IFT140: variants seen among roughly 807,000 people sequenced by gnomAD.
The protein encoded by IFT140 is intraflagellar transport 140, also known as intraflagellar transport protein 140 homolog.
In IFT140, 133 loss-of-function variants were observed where a neutral mutation model predicts 164.6. The observed-to-expected ratio is 0.81, with a 90% confidence interval of 0.70 to 0.93. The LOEUF (loss-of-function observed/expected upper bound fraction) is 0.93. Among genes scored for constraint, IFT140 ranks in the 40% least tolerant of loss-of-function variants. The probability of loss-of-function intolerance (pLI) is 0.00; values close to 1 mark genes in which losing one functional copy is unlikely to be tolerated. For synonymous variants in IFT140, 860 were observed against 817.3 expected (o/e 1.05, Z -0.89); for missense variants, 2,045 against 1,972.3 (o/e 1.04, Z -0.70).
intron 30 of IFT140, among the ~76,000 whole-genome samples, chr16:1,512,499 T>G (rs1018431893): frequency 1.1e-4 from 17 of 152,148 alleles, no homozygotes; most frequent in African/African-American, 4.1e-4. Context: ...AGTTACTAAA[T>G]TCCACAGGCT....
At chr16:1,555,072 A>C in intron 19 of IFT140, 1 of 1,568,410 alleles carries the variant, frequency 6.4e-7, no homozygotes, top group Non-Finnish European at 8.6e-7. Context: ...CTATCGTGGA[A>C]CAGCCTAGAA....
chr16:1,561,929 C>G, intron 18 of IFT140, 56 bp downstream of exon 18: 2 of 1,473,002 alleles, frequency 1.4e-6, no homozygotes, highest in Non-Finnish European at 1.8e-6. Flanking sequence ...TGCAAGAGCC[C>G]AGCCAGGCAA....
intron 19 of IFT140, among the ~76,000 whole-genome samples, chr16:1,556,496 C>T (rs2033094015): frequency 2.6e-5 from 4 of 152,264 alleles, no homozygotes; most frequent in African/African-American, 7.2e-5. Flanking sequence ...TCAGGCCACC[C>T]GCTGCTAATA....
chr16:1,572,832 G>A (rs2034092824), intron 13 of IFT140, among the ~76,000 whole-genome samples: 1 of 152,214 alleles, frequency 6.6e-6, no homozygotes, highest in South Asian at 2.1e-4. Context: ...GCAGTGGGTT[G>A]GGGGAGGAGC....
intron 13 of IFT140, chr16:1,577,274 T>G (rs2034325540): frequency 6.6e-6 from 1 of 152,210 alleles, no homozygotes. Context: ...CCTATAGACT[T>G]AGGGTATCGA....
At position 1,553,434 on chromosome 16, in the gene IFT140, C is replaced by A. The variant is rs1427440186; in HGVS notation, c.2399+4501G>T. 1 of 985,240 alleles carries A rather than the reference C, an allele frequency of 1.0e-6. No individual in the cohort carries two copies. Among genetic ancestry groups the A allele is most frequent in the Non-Finnish European group, 1.2e-6 (1 of 829,932 alleles). 61.0% of individuals were successfully genotyped at this position (985,240 alleles called of 1,614,324 possible). On this transcript the variant is annotated intron_variant, in intron 19 of 30. Coordinates refer to ENST00000426508, the MANE Select transcript of IFT140 (RefSeq NM_014714.4). This position sits in a 1 kb window ranked among gnomAD's most constrained non-coding sequence, Gnocchi z 4.4. ...GGGAGGCGGTTGGGAGTGGAGAGAC[C>A]GGCATGAACAGACGCACAGGTGTCA... is the stretch of plus-strand genomic sequence containing the variant.
At chr16:1,585,380 G>A (rs183235056) in intron 10 of IFT140, among the ~76,000 whole-genome samples, 2 of 152,328 alleles carry the variant, frequency 1.3e-5, no homozygotes, top group Admixed American at 6.5e-5. Flanking sequence ...TCCTTAGAGA[G>A]AGGAGGTAGA....
At chr16:1,546,650 G>A (rs1014344574) in intron 19 of IFT140, among the ~76,000 whole-genome samples, 1 of 152,222 alleles carries the variant, frequency 6.6e-6, no homozygotes, top group African/African-American at 2.4e-5. Context: ...TCCCTCGGGG[G>A]CGCAAACTGT....
chr16:1,574,772 C>T (rs1241763639), intron 13 of IFT140, among the ~76,000 whole-genome samples: 2 of 101,836 alleles, frequency 2.0e-5, no homozygotes, highest in Non-Finnish European at 3.8e-5. Context: ...ATGGGAGGCC[C>T]CTCCCTCAGG....
Position 1,602,511 on chromosome 16 carries a change from C to T in IFT140, c.228G>A (p.Leu76=). 1 of 1,614,184 alleles carries T rather than the reference C, an allele frequency of 6.2e-7. No individual in the cohort carries two copies. The highest frequency in any genetic ancestry group is 8.5e-7 in the Non-Finnish European group (1 of 1,180,038). ...SLCWHPTRLV[L]AVGWETGEVT... ...CTTCTCCAGTCTCCCAGCCCACAGC[C>T]AGCACCAGCCGCGTCGGGTGCCAGC... The change falls in exon 4 of 31, where the codon CTG becomes CTA. Residue 76 remains leucine, a synonymous_variant. Transcript: ENST00000426508.
At chr16:1,559,023 T>C (rs2033262092) in intron 18 of IFT140, among the ~76,000 whole-genome samples, 1 of 152,070 alleles carries the variant, frequency 6.6e-6, no homozygotes, top group Non-Finnish European at 1.5e-5. Flanking sequence ...TCAGACGCAG[T>C]TGTGATGGGG....
At chr16:1,584,917 C>G (rs535166737) in intron 10 of IFT140, among the ~76,000 whole-genome samples, 1 of 152,152 alleles carries the variant, frequency 6.6e-6, no homozygotes, top group South Asian at 2.1e-4. Context: ...GGAAAAAACC[C>G]AGACATCAGA....
At chr16:1,541,460 C>G in intron 19 of IFT140, 1 of 985,398 alleles carries the variant, frequency 1.0e-6, no homozygotes, top group Non-Finnish European at 1.2e-6. Context: ...CAGGACAGCA[C>G]GCCTGAGGAG....
chr16:1,554,834 C>A (rs1388370119), intron 19 of IFT140: 18 of 1,614,082 alleles, frequency 1.1e-5, no homozygotes, highest in Non-Finnish European at 1.5e-5. Context: ...GCCCATACAC[C>A]AACCTGTCCT....
chr16:1,575,136 A>G (rs1216221079), intron 13 of IFT140, among the ~76,000 whole-genome samples: 1 of 151,310 alleles, frequency 6.6e-6, no homozygotes, highest in Non-Finnish European at 1.5e-5. Flanking sequence ...AGGCTGAGGC[A>G]GGAGGGTCAC....
intron 14 of IFT140, among the ~76,000 whole-genome samples, chr16:1,568,722 C>T (rs2033856795): frequency 6.6e-6 from 1 of 152,076 alleles, no homozygotes; most frequent in Non-Finnish European, 1.5e-5. Context: ...CCACTGCACT[C>T]CAGCCTGGGC....
At chr16:1,575,407 T>G (rs1191723912) in intron 13 of IFT140, among the ~76,000 whole-genome samples, 1 of 151,494 alleles carries the variant, frequency 6.6e-6, no homozygotes, top group African/African-American at 2.4e-5. Context: ...AATAAAAAAG[T>G]AGCCAGGCAT....
intron 13 of IFT140, among the ~76,000 whole-genome samples, chr16:1,579,999 G>A (rs988949756): frequency 1.1e-4 from 17 of 150,662 alleles, no homozygotes; most frequent in African/African-American, 4.1e-4. Context: ...CTTAGAGGTC[G>A]CCCTGGCCCT....
chr16:1,516,597 G>A (rs930130628), intron 30 of IFT140, among the ~76,000 whole-genome samples: 12 of 151,758 alleles, frequency 7.9e-5, no homozygotes, highest in South Asian at 4.2e-4. Flanking sequence ...GTGAAACCCT[G>A]TCTCTACTAA....
Sources: allele counts gnomAD v4.1 joint callset (sites outside exome capture counted in the v4.1 genomes callset), GRCh38; gene constraint gnomAD v4.1.1; non-coding constraint Gnocchi (gnomAD v3.1); transcripts MANE v1.5; gene names NCBI Gene and HGNC (gene_info 2026-07-23, HGNC 2026-07-21).